The following PRPF40B variants were observed in gnomAD, a reference collection of about 807,000 sequenced individuals.
The protein encoded by PRPF40B is pre-mRNA-processing factor 40 homolog B.
PRPF40B carries 56 observed loss-of-function variants against 124.5 expected under a neutral mutation model. The ratio of observed to expected loss-of-function variants is 0.45; its 90% CI spans 0.36 to 0.56. The LOEUF (loss-of-function observed/expected upper bound fraction) is 0.56. Ranked by LOEUF, PRPF40B falls within the 20% of genes least tolerant of loss-of-function variation. PRPF40B has a pLI of 0.00. For missense variants in PRPF40B, 1,053 were observed against 1,169.5 expected (o/e 0.90, Z 1.45); for synonymous variants, 443 against 426.4 (o/e 1.04, Z -0.48).
Position 49,631,008 on chromosome 12 carries a change from A to G in PRPF40B, c.84+383A>G, listed in dbSNP as rs560733147. Among the ~76,000 whole-genome samples, 1 of 152,292 alleles carries G rather than the reference A, an allele frequency of 6.6e-6. No individual in the cohort carries two copies. Among genetic ancestry groups the G allele is most frequent in the Admixed American group, 6.5e-5 (1 of 15,294 alleles). ...CATTGGTGGTCATGAGTTGGAGAGA[A>G]AGGGATGGGAGGCAGGGGACTGGGG... On this transcript the variant is annotated intron_variant, in intron 2 of 25. Transcript: ENST00000548825. This position sits in a 1 kb window ranked among gnomAD's most constrained non-coding sequence, Gnocchi z 4.3.
intron 12 of PRPF40B, 90 bp downstream of exon 12, chr12:49,634,692 A>G: frequency 6.6e-7 from 1 of 1,513,098 alleles, no homozygotes; most frequent in Non-Finnish European, 9.1e-7. Context: ...ACTCAGCCCT[A>G]AGGGAACCAG....
chr12:49,634,184 G>C (rs1057401799), intron 10 of PRPF40B, 92 bp downstream of exon 10: 1 of 1,573,666 alleles, frequency 6.4e-7, no homozygotes, highest in African/African-American at 1.4e-5. Context: ...TCTCTCAGGA[G>C]GGGTTTGAAG....
rs371220243 is a variant in PRPF40B, at chr12:49,625,279, G to C, written c.3+1686G>C. On this transcript the variant is annotated intron_variant, in intron 1 of 25. Coordinates refer to ENST00000548825, the MANE Select transcript of PRPF40B (RefSeq NM_001031698.3). ...CTTTGTGAACTGGTTGAAAGCACAG[G>C]CTTTGGAGTCAGACTGCTTGGATTC... 7.2e-5 allele frequency among the ~76,000 whole-genome samples: 11 copies of C among 152,232 alleles called. No homozygotes were observed. The East Asian group carries it at 1.7e-3, about 24-fold the overall frequency.
At position 49,642,264 on chromosome 12, in the gene PRPF40B, G is replaced by A. The variant is rs986217752; in HGVS notation, c.1914G>A (p.Arg638=). 9 of 1,614,056 alleles carry A rather than the reference G, an allele frequency of 5.6e-6. No individual in the cohort carries two copies. Among genetic ancestry groups the A allele is most frequent in the African/African-American group, 1.3e-5 (1 of 74,930 alleles). ...TGGAGAAAGCAGAGGCACGGGAGAG[G>A]GAGCGGGAGAAGGAGGAGGCACGCA... ...SLLEKAEARE[R]EREKEEARRM... Residue 638 remains arginine, a synonymous_variant, in exon 20 of 26, where the codon AGG becomes AGA. Coordinates refer to ENST00000548825, the MANE Select transcript of PRPF40B (RefSeq NM_001031698.3). This position sits in a 1 kb window ranked among gnomAD's most constrained non-coding sequence, Gnocchi z 5.8.
intron 1 of PRPF40B, among the ~76,000 whole-genome samples, chr12:49,624,465 G>A (rs1940518138): frequency 6.6e-6 from 1 of 152,226 alleles, no homozygotes; most frequent in Admixed American, 6.5e-5. Context: ...TCTAAGGAGA[G>A]GAGGAGGTTG....
rs947313876 is a variant in PRPF40B at position 49,644,630 on chromosome 12, GTT to G, written c.*443_*444del. On this transcript the variant is annotated 3_prime_UTR_variant, in exon 26 of 26. Coordinates refer to ENST00000548825, the MANE Select transcript of PRPF40B (RefSeq NM_001031698.3). ...CCAGGACCTAATGTACGTGTGTTTTGTTTTTTGTTTTTTAAATAACAATATTT... is the reference window on the plus strand; with the variant it reads ...CCAGGACCTAATGTACGTGTGTTTTGTTTTGTTTTTTAAATAACAATATTT... 5.4e-6 allele frequency: 1 copy of G among 186,122 alleles called. No homozygotes were observed. The allele number at this position is 186,122 out of a possible 1,614,324, so 11.5% of individuals were successfully genotyped here.
intron 18 of PRPF40B, chr12:49,639,554 A>G (rs1267786590): frequency 6.6e-6 from 1 of 152,270 alleles, no homozygotes; most frequent in East Asian, 1.9e-4. Context: ...GCCTTGAGAC[A>G]AGCAAGGGTT....
intron 5 of PRPF40B, 27 bp downstream of exon 5, chr12:49,632,650 C>A (rs757721331): frequency 1.9e-6 from 3 of 1,612,638 alleles, no homozygotes; most frequent in South Asian, 1.1e-5. Flanking sequence ...CCTGCTCCCC[C>A]CAGGCTCGGA....
intron 1 of PRPF40B, among the ~76,000 whole-genome samples, chr12:49,625,837 G>C (rs915293261): frequency 9.2e-5 from 14 of 152,172 alleles, no homozygotes; most frequent in African/African-American, 2.7e-4. Context: ...AAAGTTTTAT[G>C]GCACTGCAGC....
chr12:49,632,951 G>A, intron 6 of PRPF40B, 63 bp from the exon 7 acceptor site: 1 of 1,611,696 alleles, frequency 6.2e-7, no homozygotes, highest in Non-Finnish European at 8.5e-7. Context: ...TAAATCTTTG[G>A]GGTGAGGAGA....
At chr12:49,638,766 TTGACCTTTC>T (rs1407543744) in intron 18 of PRPF40B, 4 of 152,218 alleles carry the variant, frequency 2.6e-5, no homozygotes, top group Admixed American at 6.5e-5. Flanking sequence ...GATAGGTCAC[TTGACCTTTC>T]TGACCCTGTT....
At chr12:49,637,174 G>T in intron 16 of PRPF40B, 1 of 572,238 alleles carries the variant, frequency 1.7e-6, no homozygotes. Flanking sequence ...TCAGCTTGGG[G>T]GTGGCAGTGG....
At chr12:49,637,642 G>A in intron 17 of PRPF40B, 58 bp downstream of exon 17, 1 of 1,575,590 alleles carries the variant, frequency 6.3e-7, no homozygotes, top group Non-Finnish European at 8.7e-7. Flanking sequence ...CAGCCTCTCT[G>A]CACCCCCTAC....
intron 18 of PRPF40B, chr12:49,641,286 G>C (rs2138627485): frequency 6.6e-6 from 1 of 152,456 alleles, no homozygotes; most frequent in African/African-American, 2.4e-5. Flanking sequence ...CTGGGTGGGT[G>C]TGGTGCTTGA....
At position 49,642,021 on chromosome 12, in the gene PRPF40B, T is replaced by A. The variant is rs1459420459; in HGVS notation, c.1881T>A (p.Asn627Lys). Residue 627 changes from asparagine (N) to lysine (K), a missense_variant, in exon 19 of 26, where the codon AAT (asparagine) becomes AAA (lysine). By Grantham distance (94) the Asn-to-Lys change is moderately conservative (BLOSUM62 0). This residue lies in a region of PRPF40B where 895 missense variants were observed against 1,052.2 expected (regional missense o/e 0.85). Transcript: ENST00000548825. The surrounding 1 kb of genome is among the most constrained non-coding windows in gnomAD (Gnocchi z 5.8). ...CAGGCAACATCAAGCTGACCTTCAA[T>A]AGTGTGAGGGGCTGGGCGGGGCGTG... ...LDAGNIKLTF[N>K]SLLEKAEARE... 1 of 1,612,512 alleles carries A rather than the reference T, an allele frequency of 6.2e-7. No homozygotes were observed.
At chr12:49,641,174 G>A (rs1942591471) in intron 18 of PRPF40B, 1 of 152,190 alleles carries the variant, frequency 6.6e-6, no homozygotes, top group Non-Finnish European at 1.5e-5. Flanking sequence ...AATGTTGTGA[G>A]GCCTAAATGA....
chr12:49,635,896 G>T lies in PRPF40B; in HGVS notation c.1329G>T (p.Leu443=), dbSNP rs1440047832. ...ATATCCAGGCCCTAAAGAGCATCCTGGATGGGATGAGTAGTGTCAACTTCC... is the reference window on the plus strand; with the variant it reads ...ATATCCAGGCCCTAAAGAGCATCCTTGATGGGATGAGTAGTGTCAACTTCC... ...RRNIQALKSI[L]DGMSSVNFQT... is the part of the protein sequence containing the mutation. The change falls in exon 15 of 26, where the codon CTG becomes CTT. Residue 443 remains leucine (L), a synonymous_variant. Transcript: ENST00000548825. The surrounding 1 kb of genome is among the most constrained non-coding windows in gnomAD (Gnocchi z 4.1). 29 of 1,613,940 alleles carry T rather than the reference G, an allele frequency of 1.8e-5. No homozygotes were observed. The highest frequency in any genetic ancestry group is 2.4e-5 in the Non-Finnish European group (28 of 1,179,986).
intron 18 of PRPF40B, chr12:49,640,634 G>A (rs1448923755): frequency 6.6e-6 from 1 of 152,218 alleles, no homozygotes; most frequent in Non-Finnish European, 1.5e-5. Context: ...TAAGTTCCGT[G>A]TCTCTGAGCC....
chr12:49,634,297 G>A, intron 10 of PRPF40B, 35 bp from the exon 11 acceptor site: 1 of 1,613,838 alleles, frequency 6.2e-7, no homozygotes, highest in Admixed American at 1.7e-5. Flanking sequence ...GTGAGAGCTG[G>A]GGGACCCTGT....
Sources: gnomAD v4.1 joint callset for allele counts (sites outside exome capture counted in the v4.1 genomes callset) on GRCh38, gnomAD v4.1.1 for gene constraint, gnomAD v4.1.1 regional missense constraint, Gnocchi (gnomAD v3.1) non-coding constraint, MANE v1.5 for transcripts, NCBI Gene and HGNC (gene_info 2026-07-23, HGNC 2026-07-21) for gene names.